LRP1B: variants seen among roughly 807,000 people sequenced by gnomAD.
The protein encoded by LRP1B is LDL receptor related protein 1B.
A neutral mutation model predicts 556.6 loss-of-function variants in LRP1B; 217 were observed. The ratio of observed to expected loss-of-function variants is 0.39; its 90% CI spans 0.35 to 0.44. The LOEUF is 0.44. Ranked by LOEUF, LRP1B falls within the 20% of genes least tolerant of loss-of-function variation. LRP1B has a pLI of 1.00. For synonymous variants in LRP1B, 2,047 were observed against 1,865.8 expected, an observed-to-expected ratio of 1.10 and a Z score of -2.50; for missense variants, 5,053 against 5,620.8, an observed-to-expected ratio of 0.90 and a Z score of 3.23.
chr2:141,002,037 G>A (rs1376335966), intron 15 of LRP1B, among the ~76,000 whole-genome samples: 3 of 152,060 alleles, frequency 2.0e-5, no homozygotes, highest in Admixed American at 6.6e-5. Flanking sequence ...ATCCCTGCCT[G>A]TTGGCAAACT....
intron 41 of LRP1B, among the ~76,000 whole-genome samples, chr2:140,663,779 C>T (rs2105344927): frequency 6.6e-6 from 1 of 152,288 alleles, no homozygotes; most frequent in Middle Eastern, 3.4e-3. Context: ...TGCGACTTGG[C>T]TAACTGGCAC....
chr2:141,229,381 A>G lies in LRP1B; in HGVS notation c.652T>C (p.Tyr218His), dbSNP rs1683374388. The change falls in exon 6 of 91, where the codon TAT becomes CAT. Residue 218 changes from tyrosine (Y) to histidine (H), a missense_variant. Tyr to His is a moderately conservative substitution (Grantham distance 83). Transcript: ENST00000389484. ...GTTGCCATTTTACTTCCATTAAGAT[A>G]GAAAACCTCAATTGTTTCAAAATTT... ...IANFETIEVF[Y>H]LNGSKMATLS... 1 of 1,608,738 alleles carries G rather than the reference A, an allele frequency of 6.2e-7. No individual in the cohort carries two copies. Among genetic ancestry groups the G allele is most frequent in the Non-Finnish European group, 8.5e-7 (1 of 1,175,608 alleles).
intron 35 of LRP1B, among the ~76,000 whole-genome samples, chr2:140,758,389 T>G (rs1358924131): frequency 6.6e-6 from 1 of 152,030 alleles, no homozygotes; most frequent in East Asian, 1.9e-4. Flanking sequence ...GCTGTCTGTG[T>G]TGTTGTAGTA....
intron 32 of LRP1B, among the ~76,000 whole-genome samples, chr2:140,791,181 GAGGCA>G (rs1690106998): frequency 5.9e-5 from 9 of 152,176 alleles, no homozygotes; most frequent in African/African-American, 2.2e-4. Flanking sequence ...TTGAACCCAG[GAGGCA>G]GAGGTTGCAG....
At chr2:142,024,620 GT>G (rs3041443) in intron 1 of LRP1B, among the ~76,000 whole-genome samples, 214 of 131,016 alleles carry the variant, frequency 1.6e-3, no homozygotes, top group African/African-American at 4.1e-3. Context: ...CAGCTGAAAT[GT>G]TTTTTTTTTT....
intron 86 of LRP1B, among the ~76,000 whole-genome samples, chr2:140,261,486 A>AT (rs1265724964): frequency 2.0e-5 from 3 of 151,838 alleles, no homozygotes; most frequent in Non-Finnish European, 4.4e-5. Context: ...ATTTATGTAA[A>AT]TTTACAGAAG....
chr2:140,984,368 CT>C (rs1387917506), intron 17 of LRP1B, among the ~76,000 whole-genome samples: 10 of 150,894 alleles, frequency 6.6e-5, no homozygotes, highest in Non-Finnish European at 1.5e-4. Context: ...TATTTCATTC[CT>C]TCAGTCTTTT....
intron 2 of LRP1B, among the ~76,000 whole-genome samples, chr2:141,660,963 A>G (rs1690196704): frequency 6.6e-6 from 1 of 152,112 alleles, no homozygotes; most frequent in African/African-American, 2.4e-5. Context: ...CAGAGGAAGA[A>G]TCAGGCAGCC....
intron 7 of LRP1B, among the ~76,000 whole-genome samples, chr2:141,187,616 C>A (rs1431174725): frequency 2.0e-5 from 3 of 152,014 alleles, no homozygotes; most frequent in Non-Finnish European, 2.9e-5. Context: ...GCTGAAAGAA[C>A]TGAGTTTTCC....
chr2:141,110,082 T>A (rs1700709760), intron 7 of LRP1B, among the ~76,000 whole-genome samples: 1 of 149,010 alleles, frequency 6.7e-6, no homozygotes, highest in Non-Finnish European at 1.5e-5. Flanking sequence ...ATAGCATAGT[T>A]ACCTAAGACA....
rs1052783106 is a variant in LRP1B, at chr2:141,160,090, A to G, written c.1013+28331T>C. Reference sequence around the variant, plus strand: ...TGTAACAAACCTGCATGTTCTGCACATGTATCCCATTTCTTATTTTTTTTT... The same window carrying G: ...TGTAACAAACCTGCATGTTCTGCACGTGTATCCCATTTCTTATTTTTTTTT... On this transcript the variant is annotated intron_variant, in intron 7 of 90. Transcript: ENST00000389484. Among the ~76,000 whole-genome samples, 6 of 151,980 alleles carry G rather than the reference A, an allele frequency of 3.9e-5. No individual in the cohort carries two copies. The South Asian group carries it at 6.3e-4, about 16-fold the overall frequency.
At chr2:140,872,905 A>C (rs1693184851) in intron 25 of LRP1B, among the ~76,000 whole-genome samples, 1 of 143,144 alleles carries the variant, frequency 7.0e-6, no homozygotes, top group Non-Finnish European at 1.6e-5. Flanking sequence ...AGCAAGCATA[A>C]TATGTTTATG....
chr2:140,397,484 G>C (rs981630665), intron 66 of LRP1B, among the ~76,000 whole-genome samples: 1 of 151,934 alleles, frequency 6.6e-6, no homozygotes, highest in African/African-American at 2.4e-5. Flanking sequence ...TATACTTTTT[G>C]GGAAATTTAA....
chr2:140,519,944 C>A (rs530419246), intron 49 of LRP1B, among the ~76,000 whole-genome samples: 1 of 152,222 alleles, frequency 6.6e-6, no homozygotes, highest in South Asian at 2.1e-4. Context: ...GAATGGCGAT[C>A]ATTAAAAAGT....
At chr2:141,247,402 C>CT (rs759656997) in intron 4 of LRP1B, 48 bp from the exon 5 acceptor site, 31 of 1,587,682 alleles carry the variant, frequency 2.0e-5, no homozygotes, top group Non-Finnish European at 1.9e-5. Context: ...ATCTTGGGCA[C>CT]TTTTTTTTCT....
At chr2:141,696,809 T>C (rs1691746965) in intron 2 of LRP1B, among the ~76,000 whole-genome samples, 1 of 151,964 alleles carries the variant, frequency 6.6e-6, no homozygotes, top group Non-Finnish European at 1.5e-5. Context: ...AGAGGGGATA[T>C]GAGTGACTGT....
chr2:141,916,112 A>C (rs1348557507), intron 1 of LRP1B, among the ~76,000 whole-genome samples: 1 of 152,188 alleles, frequency 6.6e-6, no homozygotes, highest in African/African-American at 2.4e-5. Flanking sequence ...TTACAAAAAA[A>C]CACAAGCACT....
At chr2:141,134,873 T>C (rs904854226) in intron 7 of LRP1B, among the ~76,000 whole-genome samples, 5 of 151,814 alleles carry the variant, frequency 3.3e-5, no homozygotes, top group Non-Finnish European at 5.9e-5. Flanking sequence ...TTATTACCAC[T>C]GATGCAAAGT....
At chr2:141,932,546 G>A (rs915367341) in intron 1 of LRP1B, among the ~76,000 whole-genome samples, 1 of 151,900 alleles carries the variant, frequency 6.6e-6, no homozygotes, top group Non-Finnish European at 1.5e-5. Context: ...TCTTAGCAAA[G>A]CCATGTAATG....
Sources: gnomAD v4.1 joint callset for allele counts (sites outside exome capture counted in the v4.1 genomes callset) on GRCh38, gnomAD v4.1.1 for gene constraint, MANE v1.5 for transcripts, NCBI Gene and HGNC (gene_info 2026-07-23, HGNC 2026-07-21) for gene names.